The following PKP2 variants were observed in gnomAD, a reference collection of about 807,000 sequenced individuals.
PKP2 encodes plakophilin 2, also known as plakophilin-2.
A neutral mutation model predicts 83.4 loss-of-function variants in PKP2; 73 were observed. That is an observed-to-expected ratio of 0.88 (90% CI 0.72 to 1.06). PKP2 has a LOEUF of 1.06. Among genes scored for constraint, PKP2 ranks in the 50% least tolerant of loss-of-function variants. The pLI, the probability that PKP2 is intolerant of heterozygous loss-of-function variation, is 0.00. For missense variants in PKP2, 966 were observed against 1,065.4 expected, an observed-to-expected ratio of 0.91 and a Z score of 1.30; for synonymous variants, 409 against 430.4, an observed-to-expected ratio of 0.95 and a Z score of 0.62.
intron 2 of PKP2, 95 bp downstream of exon 2, chr12:32,878,825 G>A: frequency 1.2e-6 from 1 of 808,378 alleles, no homozygotes; most frequent in South Asian, 1.4e-5. Context: ...GATAATACTT[G>A]GGAAAAGTAA....
chr12:32,848,886 A>G (rs1345669888), intron 5 of PKP2, among the ~76,000 whole-genome samples: 2 of 152,098 alleles, frequency 1.3e-5, no homozygotes, highest in Admixed American at 6.6e-5. Flanking sequence ...AATTAAACCT[A>G]TTATATAACT....
chr12:32,812,884 A>C (rs1235145395), intron 9 of PKP2, among the ~76,000 whole-genome samples: 2 of 152,294 alleles, frequency 1.3e-5, no homozygotes, highest in East Asian at 3.9e-4. Context: ...ACCCACTTAT[A>C]AGTTTGGATG....
chr12:32,880,031 G>A (rs924688038), intron 1 of PKP2, among the ~76,000 whole-genome samples: 2 of 151,364 alleles, frequency 1.3e-5, no homozygotes, highest in African/African-American at 2.4e-5. Context: ...GCAGGAATTC[G>A]GAAGCTTCTT....
intron 1 of PKP2, among the ~76,000 whole-genome samples, chr12:32,892,823 G>GC (rs1408976330): frequency 8.2e-6 from 1 of 122,372 alleles, no homozygotes; most frequent in South Asian, 3.6e-4. Flanking sequence ...GGGGGCGGGG[G>GC]GGGGGGGAGA....
At chr12:32,854,639 C>T (rs1352866248) in intron 4 of PKP2, among the ~76,000 whole-genome samples, 1 of 152,070 alleles carries the variant, frequency 6.6e-6, no homozygotes, top group African/African-American at 2.4e-5. Flanking sequence ...GGGTATTTTT[C>T]CCTCCTTTGG....
At chr12:32,843,751 T>G (rs1307401180) in intron 5 of PKP2, among the ~76,000 whole-genome samples, 1 of 152,224 alleles carries the variant, frequency 6.6e-6, no homozygotes, top group African/African-American at 2.4e-5. Flanking sequence ...TCATTCCTCC[T>G]GCTTCTCCTT....
intron 11 of PKP2, among the ~76,000 whole-genome samples, chr12:32,795,504 C>T (rs574339818): frequency 6.6e-6 from 1 of 152,184 alleles, no homozygotes; most frequent in South Asian, 2.1e-4. Context: ...CCTCAGTCTT[C>T]CAAGTAGCTA....
rs1956116849 is a variant in PKP2, at chr12:32,795,992, C to T, written c.2357+117G>A. On this transcript the variant is annotated intron_variant, in intron 11 of 12. Transcript: ENST00000340811. ...AGATGATCTGGCCTGGCTTTACATC[C>T]TGTTTGCTGCCATGTTGCACATGAT... is the stretch of plus-strand genomic sequence containing the variant. 3.6e-5 allele frequency: 34 copies of T among 935,882 alleles called. No individual in the cohort carries two copies. The South Asian group carries it at 4.3e-4, about 12-fold the overall frequency. The allele number at this position is 935,882 out of a possible 1,614,324, so 58.0% of individuals were successfully genotyped here.
intron 9 of PKP2, among the ~76,000 whole-genome samples, chr12:32,818,232 T>G (rs1212312691): frequency 6.6e-6 from 1 of 152,164 alleles, no homozygotes; most frequent in Non-Finnish European, 1.5e-5. Context: ...GAGACTGAAG[T>G]GGGCAGATCA....
intron 4 of PKP2, among the ~76,000 whole-genome samples, chr12:32,858,884 T>C (rs1294036227): frequency 5.3e-5 from 8 of 151,962 alleles, no homozygotes; most frequent in African/African-American, 1.9e-4. Context: ...TGAATTCAAG[T>C]GAAAAAAAAA....
chr12:32,884,310 C>T (rs1050893758), intron 1 of PKP2, among the ~76,000 whole-genome samples: 2 of 152,052 alleles, frequency 1.3e-5, no homozygotes, highest in Non-Finnish European at 1.5e-5. Context: ...AAAAATTAGC[C>T]GGGCGTGGTG....
intron 5 of PKP2, among the ~76,000 whole-genome samples, chr12:32,845,740 A>G (rs906266776): frequency 6.6e-6 from 1 of 152,206 alleles, no homozygotes; most frequent in African/African-American, 2.4e-5. Flanking sequence ...GACAAGGACA[A>G]GAAAGAAAAC....
At chr12:32,849,093 T>C (rs927087413) in intron 5 of PKP2, among the ~76,000 whole-genome samples, 2 of 151,980 alleles carry the variant, frequency 1.3e-5, no homozygotes, top group Non-Finnish European at 1.5e-5. Flanking sequence ...TAGCACCTGA[T>C]AATACCTAGA....
chr12:32,837,985 T>C (rs970124491), intron 6 of PKP2, among the ~76,000 whole-genome samples: 27 of 152,192 alleles, frequency 1.8e-4, no homozygotes, highest in African/African-American at 6.5e-4. Flanking sequence ...TTACTGGGTG[T>C]ATATACAAAG....
chr12:32,877,957 AC>A lies in PKP2; in HGVS notation c.922del (p.Val308SerfsTer12). 1 of 1,614,192 alleles carries A rather than the reference AC, an allele frequency of 6.2e-7. No homozygotes were observed. Among genetic ancestry groups the A allele is most frequent in the Non-Finnish European group, 8.5e-7 (1 of 1,180,028 alleles). On this transcript the variant is annotated frameshift_variant, in exon 3 of 13. Transcript: ENST00000340811. LOFTEE classifies it high-confidence loss of function. Reference protein sequence around the residue: ...TRTLREAGPSVAVDSSGRRAH... With the variant: ...TRTLREAGPSXAVDSSGRRAH... The stretch of plus-strand genomic sequence containing the variant: ...TCTCCTCCCGCTGGAATCCACGGCG[AC>A]ACTGGGCCCAGCTTCCCTCAGCGTG...
At chr12:32,839,280 C>A (rs1956568100) in intron 6 of PKP2, among the ~76,000 whole-genome samples, 1 of 151,796 alleles carries the variant, frequency 6.6e-6, no homozygotes, top group South Asian at 2.1e-4. Flanking sequence ...ACAATCCAGG[C>A]CAACAGTTGC....
At chr12:32,847,093 G>C (rs1956653995) in intron 5 of PKP2, among the ~76,000 whole-genome samples, 1 of 151,686 alleles carries the variant, frequency 6.6e-6, no homozygotes, top group African/African-American at 2.4e-5. Context: ...ACACATAATA[G>C]GGGTTCAGAA....
At chr12:32,834,735 A>G (rs1430996079) in intron 6 of PKP2, among the ~76,000 whole-genome samples, 2 of 152,168 alleles carry the variant, frequency 1.3e-5, no homozygotes, top group African/African-American at 4.8e-5. Context: ...AAGAAAAGAA[A>G]GAGGAGGAAA....
intron 9 of PKP2, among the ~76,000 whole-genome samples, chr12:32,811,766 A>T (rs931423133): frequency 6.6e-6 from 1 of 152,174 alleles, no homozygotes; most frequent in African/African-American, 2.4e-5. Flanking sequence ...TCATATATGG[A>T]TGTTTCATAT....
Sources: allele counts gnomAD v4.1 joint callset (sites outside exome capture counted in the v4.1 genomes callset), GRCh38; gene constraint gnomAD v4.1.1; transcripts MANE v1.5; gene names NCBI Gene and HGNC (gene_info 2026-07-23, HGNC 2026-07-21).